Variants in CHST3 observed in about 807,000 individuals in gnomAD.
CHST3 encodes the protein C6ST-1.
Under a neutral mutation model 35.4 loss-of-function variants are expected in CHST3, and 20 were observed. That is an observed-to-expected ratio of 0.57 (90% CI 0.40 to 0.82). The LOEUF (loss-of-function observed/expected upper bound fraction) is 0.82, where lower values mean the gene tolerates loss of function less well. CHST3 is among the 40% of genes least tolerant of loss of function. The pLI is 0.00. For missense variants in CHST3, 693 were observed against 670.1 expected (o/e 1.03, Z -0.38); for synonymous variants, 334 against 295.9 (o/e 1.13, Z -1.32).
rs1840133622 is a variant in CHST3, at chr10:72,013,442, T to A, written c.*4971T>A. 6.6e-6 allele frequency: 1 copy of A among 152,078 alleles called. No individual in the cohort carries two copies. The highest frequency in any genetic ancestry group is 2.4e-5 in the African/African-American group (1 of 41,414). 9.4% of individuals were successfully genotyped at this position (152,078 alleles called of 1,614,324 possible). ...CTCCTGGAAACGCTGGGGCTGCCCTTCAGAGAGCTGGCAGCCCCAGCAGTC... is the reference window on the plus strand; with the variant it reads ...CTCCTGGAAACGCTGGGGCTGCCCTACAGAGAGCTGGCAGCCCCAGCAGTC... On this transcript the variant is annotated 3_prime_UTR_variant, in exon 3 of 3. Coordinates refer to ENST00000373115, the MANE Select transcript of CHST3 (RefSeq NM_004273.5).
At chr10:71,986,548 CG>C (rs1839848613) in intron 1 of CHST3, among the ~76,000 whole-genome samples, 2 of 152,290 alleles carry the variant, frequency 1.3e-5, no homozygotes, top group South Asian at 4.1e-4. Context: ...AGCTTTGGCC[CG>C]GGGTGGAAAT....
intron 1 of CHST3, among the ~76,000 whole-genome samples, chr10:72,001,415 C>T (rs1352257628): frequency 1.3e-5 from 2 of 152,274 alleles, no homozygotes; most frequent in South Asian, 2.1e-4. Context: ...ACCACCCGTT[C>T]CTTGGGCTGT....
At chr10:71,977,777 C>T (rs545063357) in intron 1 of CHST3, among the ~76,000 whole-genome samples, 1 of 152,276 alleles carries the variant, frequency 6.6e-6, no homozygotes, top group Non-Finnish European at 1.5e-5. Flanking sequence ...TCAAGTGATT[C>T]TCCTGCCTCA....
rs1589493569 is a variant in CHST3 at position 71,964,597 on chromosome 10, G to A, written c.-205G>A. The A allele has an allele frequency of 1.3e-5, 2 of 152,088 alleles. No individual in the cohort carries two copies. The highest frequency in any genetic ancestry group is 2.4e-5 in the African/African-American group (1 of 41,442). The allele number at this position is 152,088 out of a possible 1,614,324, so 9.4% of individuals were successfully genotyped here. On this transcript the variant is annotated 5_prime_UTR_variant, in exon 1 of 3. Coordinates refer to ENST00000373115, the MANE Select transcript of CHST3 (RefSeq NM_004273.5). Reference sequence around the variant, plus strand: ...GGGGCCGCGGAACCGCTTCTGCCGGGATCTTCCAGGAGGAAAGCGAAGTTG... The same window carrying A: ...GGGGCCGCGGAACCGCTTCTGCCGGAATCTTCCAGGAGGAAAGCGAAGTTG...
intron 1 of CHST3, among the ~76,000 whole-genome samples, chr10:71,991,864 G>A (rs1839899714): frequency 1.3e-5 from 2 of 151,924 alleles, no homozygotes; most frequent in South Asian, 4.1e-4. Context: ...AACCCGGGCG[G>A]CAGAGGTTGC....
At chr10:71,984,691 A>T (rs1448103053) in intron 1 of CHST3, among the ~76,000 whole-genome samples, 2 of 152,134 alleles carry the variant, frequency 1.3e-5, no homozygotes, top group Non-Finnish European at 2.9e-5. Context: ...CTTGCCTTTG[A>T]TGGGGATGGT....
intron 2 of CHST3, 49 bp downstream of exon 2, chr10:72,006,031 G>A (rs760118467): frequency 1.4e-5 from 21 of 1,464,914 alleles, no homozygotes; most frequent in Non-Finnish European, 2.0e-5. Flanking sequence ...GGTGGGGTGG[G>A]TGGGGACAGG....
chr10:72,007,209 G>A lies in CHST3; in HGVS notation c.178G>A (p.Ala60Thr). ...GCTGAAGCAGATTCCCCAAGCTCTA[G>A]CAGATGCCAACAGCACCGACCCAGC... ...DKLKQIPQALADANSTDPALI... is the reference protein window; with the variant it reads ...DKLKQIPQALTDANSTDPALI... Residue 60 changes from alanine (A) to threonine (T), a missense_variant, in exon 3 of 3, where the codon GCA becomes ACA. Coordinates refer to ENST00000373115, the MANE Select transcript of CHST3 (RefSeq NM_004273.5). 6.2e-7 allele frequency: 1 copy of A among 1,614,158 alleles called. No individual in the cohort carries two copies. The highest frequency in any genetic ancestry group is 8.5e-7 in the Non-Finnish European group (1 of 1,180,040).
intron 1 of CHST3, among the ~76,000 whole-genome samples, chr10:71,992,818 G>A (rs140375273): frequency 0.061 from 5,350 of 88,140 alleles, 119 homozygotes; most frequent in Non-Finnish European, 0.07. Context: ...CCGCCACCAC[G>A]CTTGGCTAAT....
rs184330297 is a variant in CHST3, at chr10:72,008,761, G to C, written c.*290G>C. 599 of 378,078 alleles carry C rather than the reference G, an allele frequency of 1.6e-3. 8 individuals carry two copies. Among genetic ancestry groups the C allele is most frequent in the African/African-American group, 8.3e-3 (402 of 48,336 alleles). The allele number at this position is 378,078 out of a possible 1,614,324, so 23.4% of individuals were successfully genotyped here. ...GGCAAGCTTCGATCTCACACACACAGAAACATACATTCGTGCCTGGAGACC... is the reference window on the plus strand; with the variant it reads ...GGCAAGCTTCGATCTCACACACACACAAACATACATTCGTGCCTGGAGACC... On this transcript the variant is annotated 3_prime_UTR_variant, in exon 3 of 3. Transcript: ENST00000373115.
rs1339737147 is a variant in CHST3, at chr10:72,007,426, G to C, written c.395G>C (p.Arg132Pro). ...CCCAGACCGGCCGTGGCGGGGCCCC[G>C]GCGCCACGTGCTGCTCATGGCCACC... ...EPPRPAVAGP[R>P]RHVLLMATTR... The change falls in exon 3 of 3, where the codon CGG becomes CCG. Residue 132 changes from arginine (R) to proline (P), a missense_variant. Transcript: ENST00000373115. The C allele has an allele frequency of 6.2e-7, 1 of 1,602,716 alleles. No individual in the cohort carries two copies. The highest frequency in any genetic ancestry group is 8.5e-7 in the Non-Finnish European group (1 of 1,178,548).
chr10:72,008,080 T>G lies in CHST3; in HGVS notation c.1049T>G (p.Leu350Arg), dbSNP rs1284237456. 3.2e-6 allele frequency: 5 copies of G among 1,545,466 alleles called. No homozygotes were observed. Among genetic ancestry groups the G allele is most frequent in the Non-Finnish European group, 3.5e-6 (4 of 1,144,050 alleles). Residue 350 changes from leucine (L) to arginine (R), a missense_variant, in exon 3 of 3, where the codon CTG becomes CGG. Leu to Arg is a moderately radical substitution (Grantham distance 102). Coordinates refer to ENST00000373115, the MANE Select transcript of CHST3 (RefSeq NM_004273.5). ...CGGGGCAACTGCGAGAGCATCCGCCTGTCCGCGGAGCTGGGGCTGCGGCAG... is the reference window on the plus strand; with the variant it reads ...CGGGGCAACTGCGAGAGCATCCGCCGGTCCGCGGAGCTGGGGCTGCGGCAG... ...RLRGNCESIR[L>R]SAELGLRQPA... is the part of the protein sequence containing the mutation.
At chr10:72,000,250 G>T (rs932813226) in intron 1 of CHST3, among the ~76,000 whole-genome samples, 1 of 152,164 alleles carries the variant, frequency 6.6e-6, no homozygotes, top group Non-Finnish European at 1.5e-5. Context: ...CATTCATTCA[G>T]CAAGTATTTA....
At chr10:71,994,918 T>A (rs967003482) in intron 1 of CHST3, among the ~76,000 whole-genome samples, 4 of 152,186 alleles carry the variant, frequency 2.6e-5, no homozygotes, top group Non-Finnish European at 4.4e-5. Flanking sequence ...GCTAGCAGCT[T>A]CCAAATTTTC....
rs572259051 is a variant in CHST3 at position 71,998,592 on chromosome 10, TAA to T, written c.-107-7142_-107-7141del. Among the ~76,000 whole-genome samples the T allele has an allele frequency of 6.6e-5, 10 of 152,358 alleles. No homozygotes were observed. The East Asian group carries it at 1.7e-3, about 26-fold the overall frequency. On this transcript the variant is annotated intron_variant, in intron 1 of 2. Coordinates refer to ENST00000373115, the MANE Select transcript of CHST3 (RefSeq NM_004273.5). ...GCTCCCCCACAGCCCCACTCAGGCATAAAGGGCCGAGGGGCAGCCAGGCCTGT... is the reference window on the plus strand; with the variant it reads ...GCTCCCCCACAGCCCCACTCAGGCATAGGGCCGAGGGGCAGCCAGGCCTGT...
chr10:71,999,204 A>C (rs1398290499), intron 1 of CHST3, among the ~76,000 whole-genome samples: 1 of 152,066 alleles, frequency 6.6e-6, no homozygotes, highest in Non-Finnish European at 1.5e-5. Context: ...AAAAATAAAA[A>C]CCAGGCAGGC....
chr10:71,977,026 A>G (rs1222023046), intron 1 of CHST3, among the ~76,000 whole-genome samples: 4 of 152,236 alleles, frequency 2.6e-5, no homozygotes, highest in African/African-American at 4.8e-5. Flanking sequence ...CTTTAAAACA[A>G]AACCCTTCCC....
chr10:72,001,516 T>TAGGCTGGGGTACA (rs1281851864), intron 1 of CHST3, among the ~76,000 whole-genome samples: 1 of 151,884 alleles, frequency 6.6e-6, no homozygotes, highest in Non-Finnish European at 1.5e-5. Context: ...TCTGGGTGCC[T>TAGGCTGGGGTACA]AGGCTGGGGT....
chr10:71,984,712 C>T (rs2394847), intron 1 of CHST3, among the ~76,000 whole-genome samples: 95,997 of 152,086 alleles, frequency 0.63, 31,234 homozygotes, highest in African/African-American at 0.79. Context: ...GACTATTATC[C>T]ATAAGCATTA....
Sources: allele counts gnomAD v4.1 joint callset (sites outside exome capture counted in the v4.1 genomes callset), GRCh38; gene constraint gnomAD v4.1.1; transcripts MANE v1.5; gene names NCBI Gene and HGNC (gene_info 2026-07-23, HGNC 2026-07-21).